The following NCAPD3 variants were observed in gnomAD, a reference collection of about 807,000 sequenced individuals.
NCAPD3 encodes condensin-2 complex subunit D3.
In NCAPD3, 105 loss-of-function variants were observed where a neutral mutation model predicts 182.9. The observed-to-expected ratio is 0.57, with a 90% CI of 0.49 to 0.68. The LOEUF (loss-of-function observed/expected upper bound fraction) is 0.68, where lower values mean the gene tolerates loss of function less well. Among genes scored for constraint, NCAPD3 ranks in the 30% least tolerant of loss-of-function variants. NCAPD3 has a pLI of 0.00. For missense variants in NCAPD3, 1,944 were observed against 1,837.0 expected (o/e 1.06, Z -1.07); for synonymous variants, 815 against 679.9 (o/e 1.20, Z -3.09).
At chr11:134,156,979 G>C in intron 32 of NCAPD3, 39 bp downstream of exon 32, 1 of 1,527,490 alleles carries the variant, frequency 6.5e-7, no homozygotes, top group Non-Finnish European at 9.0e-7. Flanking sequence ...ATGCAGGAGA[G>C]ACTGAGGAGA....
At chr11:134,172,594 T>C (rs570087601) in intron 24 of NCAPD3, among the ~76,000 whole-genome samples, 149 of 152,332 alleles carry the variant, frequency 9.8e-4, no homozygotes, top group Non-Finnish European at 1.8e-3. Flanking sequence ...TACACTCCTG[T>C]GGCAGTGCCC....
chr11:134,192,727 C>A lies in NCAPD3; in HGVS notation c.2007G>T (p.Ala669=), dbSNP rs761313281. Reference sequence around the variant, plus strand: ...TTTCGGTGGTGAGGAGAGTAAGAAGCGCCCAGGCGAGGACCTGGCTGTCGT... The same window carrying A: ...TTTCGGTGGTGAGGAGAGTAAGAAGAGCCCAGGCGAGGACCTGGCTGTCGT... ...SGDDSQVLAW[A]LLTLLTTESQ... is the part of the protein sequence containing the mutation. The change falls in exon 16 of 35, where the codon GCG becomes GCT. Residue 669 remains alanine, a synonymous_variant. Transcript: ENST00000534548. 3 of 1,614,176 alleles carry A rather than the reference C, an allele frequency of 1.9e-6. No homozygotes were observed. Among genetic ancestry groups the A allele is most frequent in the African/African-American group, 2.7e-5 (2 of 75,050 alleles).
In NCAPD3 at chr11:134,206,616, C is replaced by T; in HGVS notation, c.999G>A (p.Gln333=). 1 of 1,613,286 alleles carries T rather than the reference C, an allele frequency of 6.2e-7. No homozygotes were observed. The highest frequency in any genetic ancestry group is 8.5e-7 in the Non-Finnish European group (1 of 1,179,744). The change falls in exon 8 of 35, where the codon CAG becomes CAA. Residue 333 remains glutamine, a synonymous_variant. Transcript: ENST00000534548. ...TGCTTCACCTGATAAACTGGACCGC[C>T]TGGTTTCTACAGTTGATGACTTGGG... ...VTSQVINCRN[Q]AVQFISALVD... is the part of the protein sequence containing the mutation.
At chr11:134,167,446 G>A (rs141013205) in intron 27 of NCAPD3, among the ~76,000 whole-genome samples, 19,840 of 84,756 alleles carry the variant, frequency 0.23, 2,739 homozygotes, top group African/African-American at 0.34. Flanking sequence ...ACTCGTGAGA[G>A]GAGCTTAGGG....
At chr11:134,158,302 C>G (rs1180606626) in intron 30 of NCAPD3, 27 bp downstream of exon 30, 1 of 1,612,984 alleles carries the variant, frequency 6.2e-7, no homozygotes, top group Non-Finnish European at 8.5e-7. Context: ...AGAACCAGCC[C>G]TGATGTGGCC....
intron 23 of NCAPD3, among the ~76,000 whole-genome samples, chr11:134,176,661 G>A (rs190963408): frequency 6.6e-6 from 1 of 152,318 alleles, no homozygotes; most frequent in Non-Finnish European, 1.5e-5. Flanking sequence ...ATGAAAAGAT[G>A]AGCATACAGA....
At chr11:134,207,115 C>A (rs959902626) in intron 7 of NCAPD3, among the ~76,000 whole-genome samples, 11 of 152,258 alleles carry the variant, frequency 7.2e-5, no homozygotes, top group Middle Eastern at 3.4e-3. Context: ...CTGCTTTTTG[C>A]CTCCAGTTTA....
chr11:134,166,001 ACACT>A (rs1251615304), intron 27 of NCAPD3, among the ~76,000 whole-genome samples: 4 of 123,270 alleles, frequency 3.2e-5, no homozygotes, highest in South Asian at 3.4e-4. Flanking sequence ...GGAGAGCAGC[ACACT>A]CACTTGTGAG....
chr11:134,157,092 G>T lies in NCAPD3; in HGVS notation c.4178C>A (p.Ser1393Tyr), dbSNP rs762142510. Residue 1393 changes from serine (S) to tyrosine (Y), a missense_variant, in exon 32 of 35, where the codon TCT (serine) becomes TAT (tyrosine). Physicochemically the swap from Ser to Tyr is moderately radical, Grantham distance 144. This residue lies in a region of NCAPD3 where 1,803 missense variants were observed against 1,674.6 expected (regional missense o/e 1.08). Transcript: ENST00000534548. ...CGACTCTTGCTCCAAACTGTATGAAGACACTAGAACAGAAAAGGTGCTGCT... is the reference window on the plus strand; with the variant it reads ...CGACTCTTGCTCCAAACTGTATGAATACACTAGAACAGAAAAGGTGCTGCT... ...GSPEKTCSQV[S>Y]SYSLEQESNG... 6.2e-7 allele frequency: 1 copy of T among 1,612,182 alleles called. No homozygotes were observed. Among genetic ancestry groups the T allele is most frequent in the African/African-American group, 1.3e-5 (1 of 74,796 alleles).
At chr11:134,162,713 T>C (rs1943622728) in intron 27 of NCAPD3, among the ~76,000 whole-genome samples, 1 of 152,330 alleles carries the variant, frequency 6.6e-6, no homozygotes, top group South Asian at 2.1e-4. Context: ...TGTTCAGGAA[T>C]AGTCTTAAGA....
chr11:134,165,780 TGA>T (rs374423535), intron 27 of NCAPD3, among the ~76,000 whole-genome samples: 1 of 114,020 alleles, frequency 8.8e-6, no homozygotes, highest in African/African-American at 3.4e-5. Flanking sequence ...TACACACTCG[TGA>T]GAGGAGCTTA....
chr11:134,214,616 A>C (rs1004529143), intron 3 of NCAPD3, among the ~76,000 whole-genome samples: 3 of 152,200 alleles, frequency 2.0e-5, no homozygotes, highest in African/African-American at 7.2e-5. Context: ...TAATGACATC[A>C]AAAGGGGGCC....
chr11:134,188,263 C>T (rs1440132934), intron 16 of NCAPD3, among the ~76,000 whole-genome samples: 1 of 151,796 alleles, frequency 6.6e-6, no homozygotes, highest in Non-Finnish European at 1.5e-5. Context: ...TGTAAATGTA[C>T]CAATCAGCAC....
rs774270220 is a variant in NCAPD3 at position 134,194,750 on chromosome 11, A to T, written c.1616-12T>A. On this transcript the variant is annotated splice_polypyrimidine_tract_variant and intron_variant, in intron 13 of 34. Transcript: ENST00000534548. ...CATGACACATCTTTCTGTAGAGGGAATACCAAAGGGTCATCACAGCTGGAG... is the reference window on the plus strand; with the variant it reads ...CATGACACATCTTTCTGTAGAGGGATTACCAAAGGGTCATCACAGCTGGAG... 17 of 1,585,840 alleles carry T rather than the reference A, an allele frequency of 1.1e-5. No individual in the cohort carries two copies. Among genetic ancestry groups the T allele is most frequent in the Non-Finnish European group, 1.3e-5 (15 of 1,162,810 alleles).
chr11:134,209,089 A>G (rs747766807), intron 6 of NCAPD3, 56 bp downstream of exon 6: 29 of 1,559,812 alleles, frequency 1.9e-5, no homozygotes, highest in Admixed American at 3.5e-5. Context: ...TTTCTGCTGG[A>G]GCAAAAATTG....
chr11:134,203,832 G>A lies in NCAPD3; in HGVS notation c.1290C>T (p.Thr430=). Residue 430 remains threonine (T), a synonymous_variant, in exon 11 of 35, where the codon ACC becomes ACT. Transcript: ENST00000534548. ...LELPEREVDN[T]LSLEHQKFLK... ...AGAACTTCTGATGCTCCAAGGAGAGGGTGTTATCCACCTCTCTTTCAGGCA... is the reference window on the plus strand; with the variant it reads ...AGAACTTCTGATGCTCCAAGGAGAGAGTGTTATCCACCTCTCTTTCAGGCA... 1 of 1,614,086 alleles carries A rather than the reference G, an allele frequency of 6.2e-7. No homozygotes were observed. Among genetic ancestry groups the A allele is most frequent in the African/African-American group, 1.3e-5 (1 of 75,000 alleles).
intron 7 of NCAPD3, 142 bp downstream of exon 7, chr11:134,208,722 A>T: frequency 1.6e-6 from 1 of 643,994 alleles, no homozygotes; most frequent in Non-Finnish European, 2.7e-6. Context: ...GATACTTTTT[A>T]TTATGCAAAT....
intron 24 of NCAPD3, among the ~76,000 whole-genome samples, chr11:134,171,908 C>A (rs950716579): frequency 6.6e-6 from 1 of 152,186 alleles, no homozygotes; most frequent in Admixed American, 6.5e-5. Context: ...TTCCCGGACC[C>A]CCAGTGCCTT....
intron 25 of NCAPD3, 145 bp from the exon 26 acceptor site, chr11:134,168,747 C>G: frequency 7.3e-7 from 1 of 1,362,260 alleles, no homozygotes; most frequent in Non-Finnish European, 1.0e-6. Flanking sequence ...AGGCGCTGCC[C>G]TTAGGAAGCG....
Sources: gnomAD v4.1 joint callset for allele counts (sites outside exome capture counted in the v4.1 genomes callset) on GRCh38, gnomAD v4.1.1 for gene constraint, gnomAD v4.1.1 regional missense constraint, MANE v1.5 for transcripts, NCBI Gene and HGNC (gene_info 2026-07-23, HGNC 2026-07-21) for gene names.